PARD3B: variants seen among roughly 807,000 people sequenced by gnomAD.
PARD3B encodes the protein partitioning defective 3 homolog B.
Under a neutral mutation model 130.2 loss-of-function variants are expected in PARD3B, and 103 were observed. The ratio of observed to expected loss-of-function variants is 0.79; its 90% CI spans 0.67 to 0.93. The LOEUF (loss-of-function observed/expected upper bound fraction) is 0.93. Among genes scored for constraint, PARD3B ranks in the 40% least tolerant of loss-of-function variants. PARD3B has a pLI of 0.00. For synonymous variants in PARD3B, 583 were observed against 553.2 expected (o/e 1.05, Z -0.76); for missense variants, 1,609 against 1,499.2 (o/e 1.07, Z -1.21).
In PARD3B at chr2:205,113,500, A is replaced by G; in HGVS notation, c.603A>G (p.Thr201=). Residue 201 remains threonine (T), a synonymous_variant, in exon 6 of 23, where the codon ACA becomes ACG. Coordinates refer to ENST00000406610, the MANE Select transcript of PARD3B (RefSeq NM_001302769.2). ...PRTKDTLSDM[T]RTVEISGEGG... ...TTTTTTTCTGCCCCAGTGATATGAC[A>G]AGAACAGTGGAGATTTCTGGGGAAG... The G allele has an allele frequency of 3.1e-6, 5 of 1,612,988 alleles. No homozygotes were observed. The highest frequency in any genetic ancestry group is 3.4e-6 in the Non-Finnish European group (4 of 1,179,376).
rs929289571 is a variant in PARD3B at position 205,615,933 on chromosome 2, C to A, written c.*120C>A. On this transcript the variant is annotated 3_prime_UTR_variant, in exon 23 of 23. Transcript: ENST00000406610. ...TCTCCATGTTACTGATAAGCTTTTT[C>A]TCACTGACATTGTAACGCATGACTG... The A allele has an allele frequency of 1.1e-5, 10 of 873,054 alleles. No homozygotes were observed. The highest frequency in any genetic ancestry group is 1.8e-5 in the Non-Finnish European group (10 of 556,476). 54.1% of individuals were successfully genotyped at this position (873,054 alleles called of 1,614,324 possible). A position where few individuals can be genotyped will look rare whatever the true frequency, so the allele number is the denominator to read the frequency against.
At chr2:205,526,168 G>T (rs1318278502) in intron 21 of PARD3B, among the ~76,000 whole-genome samples, 1 of 152,152 alleles carries the variant, frequency 6.6e-6, no homozygotes, top group East Asian at 1.9e-4. Flanking sequence ...TTCACAGTTT[G>T]TCCTAATCTC....
chr2:205,021,682 G>T lies in PARD3B; in HGVS notation c.395-25899G>T, dbSNP rs537295341. On this transcript the variant is annotated intron_variant, in intron 3 of 22. Coordinates refer to ENST00000406610, the MANE Select transcript of PARD3B (RefSeq NM_001302769.2). The surrounding 1 kb of genome is among the most constrained non-coding windows in gnomAD (Gnocchi z 4.5). ...TATATATATAGTTAATCTTTTCAAT[G>T]ACCCTGTGTCTTTCTTTGGATAGAA... 4.8e-5 allele frequency among the ~76,000 whole-genome samples: 7 copies of T among 145,052 alleles called. No homozygotes were observed. In the South Asian group the frequency reaches 1.3e-3, roughly 28 times the overall value.
chr2:204,756,778 A>G (rs1042371616), intron 2 of PARD3B, among the ~76,000 whole-genome samples: 1 of 152,170 alleles, frequency 6.6e-6, no homozygotes, highest in Non-Finnish European at 1.5e-5. Context: ...TTTTTTAAAA[A>G]TTTTAGATTT....
intron 20 of PARD3B, among the ~76,000 whole-genome samples, chr2:205,496,758 T>C (rs913861855): frequency 1.3e-5 from 2 of 152,136 alleles, no homozygotes; most frequent in Non-Finnish European, 2.9e-5. Flanking sequence ...ATTTTTTTTT[T>C]CCACCACAAA....
In PARD3B at chr2:204,620,857, G is replaced by A. The variant is rs112452840; in HGVS notation, c.121-65324G>A. ...CTAGGGGAATGGGGCAAGGAACAGA[G>A]GAGTTTGAAGAAGTTGCGTCCGTTA... On this transcript the variant is annotated intron_variant, in intron 1 of 22. Transcript: ENST00000406610. Among the ~76,000 whole-genome samples, 961 of 152,168 alleles carry A rather than the reference G, an allele frequency of 6.3e-3. 6 individuals carry two copies. The highest frequency in any genetic ancestry group is 0.022 in the African/African-American group (924 of 41,518).
chr2:204,888,874 A>T (rs1014058992), intron 2 of PARD3B, among the ~76,000 whole-genome samples: 1 of 152,194 alleles, frequency 6.6e-6, no homozygotes, highest in Admixed American at 6.5e-5. Context: ...GAGACTAACT[A>T]GGTATTTTAT....
At chr2:204,941,528 A>C (rs1381819465) in intron 2 of PARD3B, among the ~76,000 whole-genome samples, 18 of 152,198 alleles carry the variant, frequency 1.2e-4, no homozygotes, top group Admixed American at 1.2e-3. Context: ...GCAGGATTAG[A>C]TTTATTACTG....
intron 22 of PARD3B, among the ~76,000 whole-genome samples, chr2:205,578,627 G>T (rs563593219): frequency 6.6e-6 from 1 of 152,288 alleles, no homozygotes; most frequent in East Asian, 1.9e-4. Context: ...AGAAAAAATG[G>T]TATCAAGGTA....
intron 1 of PARD3B, among the ~76,000 whole-genome samples, chr2:204,651,438 T>A (rs1414929860): frequency 6.6e-6 from 1 of 152,246 alleles, no homozygotes; most frequent in Non-Finnish European, 1.5e-5. Context: ...CCGTTAACTC[T>A]GTGTCTCACA....
chr2:205,080,123 C>T (rs1415385498), intron 4 of PARD3B, among the ~76,000 whole-genome samples: 1 of 152,154 alleles, frequency 6.6e-6, no homozygotes, highest in Non-Finnish European at 1.5e-5. Flanking sequence ...TATTTTGTTT[C>T]AGTCCCACAG....
intron 3 of PARD3B, among the ~76,000 whole-genome samples, chr2:205,019,076 T>G (rs2125327352): frequency 6.6e-6 from 1 of 152,244 alleles, no homozygotes; most frequent in African/African-American, 2.4e-5. Flanking sequence ...ATCATCAATT[T>G]TAGAACATTT....
chr2:204,820,780 C>T (rs1051508292), intron 2 of PARD3B, among the ~76,000 whole-genome samples: 43 of 151,686 alleles, frequency 2.8e-4, no homozygotes, highest in African/African-American at 1.0e-3. Flanking sequence ...GGTGCCACTG[C>T]ACTCCAGCCT....
chr2:205,054,417 TATATATATATATATA>T (rs1699461637), intron 4 of PARD3B, among the ~76,000 whole-genome samples: 2 of 18,416 alleles, frequency 1.1e-4, no homozygotes, highest in East Asian at 2.8e-3. Context: ...TATATATATA[TATATATATATATATA>T]TATATTTTTT....
At chr2:204,838,766 A>G (rs375103218) in intron 2 of PARD3B, among the ~76,000 whole-genome samples, 3 of 152,314 alleles carry the variant, frequency 2.0e-5, no homozygotes, top group East Asian at 3.9e-4. Flanking sequence ...GGATATCCCA[A>G]TTATACTTAT....
intron 13 of PARD3B, among the ~76,000 whole-genome samples, chr2:205,179,799 C>A (rs1319340740): frequency 6.6e-6 from 1 of 151,996 alleles, no homozygotes; most frequent in Non-Finnish European, 1.5e-5. Context: ...ATAGCAAAGG[C>A]TAAACTAATG....
At chr2:204,977,869 G>A (rs1692327143) in intron 3 of PARD3B, among the ~76,000 whole-genome samples, 1 of 151,934 alleles carries the variant, frequency 6.6e-6, no homozygotes, top group Admixed American at 6.6e-5. Flanking sequence ...GGCCTGAAAG[G>A]GGAAAGAGGA....
At chr2:205,285,030 C>G (rs918873505) in intron 16 of PARD3B, among the ~76,000 whole-genome samples, 7 of 149,804 alleles carry the variant, frequency 4.7e-5, no homozygotes, top group African/African-American at 1.7e-4. Context: ...AGCAGTGAAC[C>G]AAGTGTTCCT....
chr2:205,446,921 A>T lies in PARD3B; in HGVS notation c.3044+6249A>T, dbSNP rs1318690316. On this transcript the variant is annotated intron_variant, in intron 20 of 22. Coordinates refer to ENST00000406610, the MANE Select transcript of PARD3B (RefSeq NM_001302769.2). The surrounding 1 kb of genome is among the most constrained non-coding windows in gnomAD (Gnocchi z 4.4). The stretch of plus-strand genomic sequence containing the variant: ...AAACAGTTCCAAATAGGGGGCTAGA[A>T]GGTATATGTGGCACACAGCACAAAT... 6.6e-6 allele frequency among the ~76,000 whole-genome samples: 1 copy of T among 152,206 alleles called. No homozygotes were observed. Among genetic ancestry groups the T allele is most frequent in the Non-Finnish European group, 1.5e-5 (1 of 68,028 alleles).
Sources: allele counts gnomAD v4.1 joint callset (sites outside exome capture counted in the v4.1 genomes callset), GRCh38; gene constraint gnomAD v4.1.1; non-coding constraint Gnocchi (gnomAD v3.1); transcripts MANE v1.5; gene names NCBI Gene and HGNC (gene_info 2026-07-23, HGNC 2026-07-21).